TAMM41: variants seen among roughly 807,000 people sequenced by gnomAD.
TAMM41 encodes phosphatidate cytidylyltransferase, mitochondrial.
TAMM41 carries 36 observed loss-of-function variants against 44.1 expected under a neutral mutation model. That is an observed-to-expected ratio of 0.82 (90% confidence interval 0.63 to 1.08). The LOEUF is 1.08. Ranked by LOEUF, TAMM41 falls within the 50% of genes least tolerant of loss-of-function variation. The probability of loss-of-function intolerance (pLI) is 0.00; values close to 1 mark genes in which losing one functional copy is unlikely to be tolerated. For missense variants in TAMM41, 417 were observed against 404.3 expected (o/e 1.03, Z -0.27); for synonymous variants, 164 against 153.1 (o/e 1.07, Z -0.53).
the TAMM41 span, among the ~76,000 whole-genome samples, chr3:11,722,986 G>T: frequency 4.3e-4 from 65 of 152,120 alleles, no homozygotes; most frequent in African/African-American, 1.4e-3. Context: ...AGCTGGGGAT[G>T]GTGGCTCACA....
intron 2 of TAMM41, among the ~76,000 whole-genome samples, chr3:11,840,591 A>T (rs1273631344): frequency 6.6e-6 from 1 of 151,996 alleles, no homozygotes; most frequent in African/African-American, 2.4e-5. Flanking sequence ...TGTCCATGCG[A>T]CAGGCAGGAA....
chr3:11,764,544 G>C, the TAMM41 span, among the ~76,000 whole-genome samples: 1 of 129,740 alleles, frequency 7.7e-6, no homozygotes, highest in East Asian at 2.4e-4. Context: ...CCAGGCTGGA[G>C]TTCAGTGGCG....
chr3:11,761,104 C>A, the TAMM41 span, among the ~76,000 whole-genome samples: 1 of 150,628 alleles, frequency 6.6e-6, no homozygotes, highest in African/African-American at 2.4e-5. Flanking sequence ...GGAGGCAGAG[C>A]TTGCAGTGAG....
chr3:11,791,227 T>G (rs1381250845), intron 7 of TAMM41, among the ~76,000 whole-genome samples: 1 of 152,092 alleles, frequency 6.6e-6, no homozygotes, highest in African/African-American at 2.4e-5. Context: ...TGTCACCTAG[T>G]ACAGGACCCA....
downstream of TAMM41, among the ~76,000 whole-genome samples, chr3:11,787,972 T>C (rs753744044): frequency 3.0e-4 from 45 of 152,180 alleles, 1 homozygote; most frequent in Non-Finnish European, 1.8e-4. Flanking sequence ...AGAATACATC[T>C]GGGGCAGTGG....
chr3:11,756,418 G>C, the TAMM41 span, among the ~76,000 whole-genome samples: 2 of 152,188 alleles, frequency 1.3e-5, no homozygotes, highest in Admixed American at 6.5e-5. Context: ...TTCACGAGCT[G>C]TTTTCCAGAC....
chr3:11,843,491 C>T (rs1218552525), intron 2 of TAMM41: 13 of 152,622 alleles, frequency 8.5e-5, no homozygotes, highest in African/African-American at 3.1e-4. Context: ...AATCCCAGCA[C>T]TTTGGGAGGC....
chr3:11,814,467 T>C (rs1267841525), intron 5 of TAMM41, among the ~76,000 whole-genome samples: 1 of 150,092 alleles, frequency 6.7e-6, no homozygotes, highest in African/African-American at 2.5e-5. Flanking sequence ...TCAGAAATAT[T>C]CTCCCATAAA....
intron 4 of TAMM41, among the ~76,000 whole-genome samples, chr3:11,817,937 G>C (rs920425557): frequency 2.0e-5 from 3 of 152,196 alleles, no homozygotes; most frequent in African/African-American, 7.2e-5. Context: ...TTGCCTATGG[G>C]ATGAATTGAG....
chr3:11,802,189 T>C (rs1404182475), intron 7 of TAMM41, among the ~76,000 whole-genome samples: 3 of 152,182 alleles, frequency 2.0e-5, no homozygotes, highest in Admixed American at 6.5e-5. Flanking sequence ...CTGCACCGTG[T>C]AGCCTGAGTG....
chr3:11,725,863 C>T, the TAMM41 span, among the ~76,000 whole-genome samples: 2 of 152,120 alleles, frequency 1.3e-5, no homozygotes, highest in South Asian at 2.1e-4. Context: ...TCCATGTGGG[C>T]GTGGGGTGGA....
the TAMM41 span, among the ~76,000 whole-genome samples, chr3:11,781,840 GAAGTCACAGCCTGC>G: frequency 4.6e-5 from 7 of 152,008 alleles, no homozygotes; most frequent in South Asian, 1.5e-3. Context: ...TGTGACCTTG[GAAGTCACAGCCTGC>G]CTGGGTTGAC....
chr3:11,752,140 G>A, the TAMM41 span, among the ~76,000 whole-genome samples: 4 of 152,074 alleles, frequency 2.6e-5, no homozygotes, highest in South Asian at 2.1e-4. Flanking sequence ...GGACCTTCGC[G>A]GCGAGTGTTA....
downstream of TAMM41, among the ~76,000 whole-genome samples, chr3:11,785,573 C>G (rs2077411818): frequency 6.6e-6 from 1 of 152,242 alleles, no homozygotes; most frequent in Admixed American, 6.5e-5. Flanking sequence ...ATCCACCTAC[C>G]TCGGCCTCCC....
the TAMM41 span, among the ~76,000 whole-genome samples, chr3:11,776,860 G>GA: frequency 1.3e-5 from 2 of 152,200 alleles, no homozygotes; most frequent in African/African-American, 4.8e-5. Flanking sequence ...CAACATGGAT[G>GA]AAACATTGGA....
At chr3:11,729,562 T>C in the TAMM41 span, among the ~76,000 whole-genome samples, 1 of 116,102 alleles carries the variant, frequency 8.6e-6, no homozygotes, top group Non-Finnish European at 1.8e-5. Context: ...TTTTTTTTTT[T>C]TTTTTTTTTT....
chr3:11,804,992 A>C, intron 7 of TAMM41, among the ~76,000 whole-genome samples: 2 of 133,014 alleles, frequency 1.5e-5, no homozygotes, highest in African/African-American at 2.9e-5. Flanking sequence ...CACCACGCCC[A>C]GCCCTTTTTT....
chr3:11,722,195 G>T, the TAMM41 span, among the ~76,000 whole-genome samples: 3 of 152,130 alleles, frequency 2.0e-5, no homozygotes, highest in African/African-American at 7.2e-5. Context: ...ATAAATCATG[G>T]GGACAGAAGA....
intron 3 of TAMM41, among the ~76,000 whole-genome samples, chr3:11,835,398 CT>C (rs2079136500): frequency 6.6e-6 from 1 of 152,074 alleles, no homozygotes; most frequent in Admixed American, 6.6e-5. Context: ...TTATGATACC[CT>C]AATTTTCTTG....
Sources: gnomAD v4.1 joint callset for allele counts (sites outside exome capture counted in the v4.1 genomes callset) on GRCh38, gnomAD v4.1.1 for gene constraint, MANE v1.5 for transcripts, NCBI Gene and HGNC (gene_info 2026-07-23, HGNC 2026-07-21) for gene names.